The following PRIM2 variants were observed in gnomAD, a reference collection of about 807,000 sequenced individuals.
The protein encoded by PRIM2 is DNA primase large subunit.
PRIM2 carries 39 observed loss-of-function variants against 67.3 expected under a neutral mutation model. The observed-to-expected ratio is 0.58, with a 90% CI of 0.45 to 0.76. The LOEUF (loss-of-function observed/expected upper bound fraction) is 0.76. PRIM2 is among the 30% of genes least tolerant of loss of function. The probability of loss-of-function intolerance (pLI) is 0.00; values close to 1 mark genes in which losing one functional copy is unlikely to be tolerated. For synonymous variants in PRIM2, 143 were observed against 198.7 expected (o/e 0.72, Z 2.36); for missense variants, 398 against 598.7 (o/e 0.66, Z 3.50).
At chr6:57,528,924 AG>A (rs1774824027) in intron 8 of PRIM2, among the ~76,000 whole-genome samples, 1 of 152,208 alleles carries the variant, frequency 6.6e-6, no homozygotes, top group Non-Finnish European at 1.5e-5. Flanking sequence ...TTAATTAGGC[AG>A]GGCTGGCATT....
At chr6:57,320,635 A>G in intron 3 of PRIM2, 75 bp downstream of exon 3, 3 of 915,984 alleles carry the variant, frequency 3.3e-6, no homozygotes, top group South Asian at 3.1e-5. Flanking sequence ...TGGGAAAGAT[A>G]TTATATTAGG....
the PRIM2 span, among the ~76,000 whole-genome samples, chr6:57,272,352 A>G: frequency 3.9e-5 from 6 of 152,184 alleles, no homozygotes; most frequent in Admixed American, 6.5e-5. Context: ...AGCTCTTCTT[A>G]TTGAATTGAT....
chr6:57,395,004 G>A (rs1485408196), intron 7 of PRIM2, among the ~76,000 whole-genome samples: 1 of 152,122 alleles, frequency 6.6e-6, no homozygotes, highest in Non-Finnish European at 1.5e-5. Flanking sequence ...TGCATCTGTG[G>A]TGTGAAACCC....
At chr6:57,463,246 C>T (rs1413015805) in intron 7 of PRIM2, among the ~76,000 whole-genome samples, 1 of 152,184 alleles carries the variant, frequency 6.6e-6, no homozygotes, top group Non-Finnish European at 1.5e-5. Context: ...AATCCTAGTG[C>T]TTTGGGAGGC....
At chr6:57,609,284 A>G (rs1443225311) in intron 12 of PRIM2, among the ~76,000 whole-genome samples, 1 of 152,212 alleles carries the variant, frequency 6.6e-6, no homozygotes, top group Non-Finnish European at 1.5e-5. Flanking sequence ...ACCCCTCAGC[A>G]ATGTGGGAAC....
chr6:57,343,234 T>G (rs1057289938), intron 5 of PRIM2, among the ~76,000 whole-genome samples: 2 of 152,212 alleles, frequency 1.3e-5, no homozygotes, highest in African/African-American at 2.4e-5. Context: ...TGTGTTGTTT[T>G]TATTGTTTAT....
chr6:57,290,490 C>G, the PRIM2 span, among the ~76,000 whole-genome samples: 5 of 152,332 alleles, frequency 3.3e-5, no homozygotes, highest in African/African-American at 1.2e-4. Flanking sequence ...GAACTCACCT[C>G]TGGACCAAGT....
In PRIM2 at chr6:57,374,440, C is replaced by A. The variant is rs1219983932; in HGVS notation, c.460-5461C>A. On this transcript the variant is annotated intron_variant, in intron 5 of 13. Coordinates refer to ENST00000615550, the MANE Select transcript of PRIM2 (RefSeq NM_000947.5). ...TCCCGTGTAGCTGGGACTACAGGCG[C>A]GCGCCACCATGCCCGGCTAATTTTT... Among the ~76,000 whole-genome samples the A allele has an allele frequency of 2.7e-5, 4 of 146,852 alleles. No homozygotes were observed. In the East Asian group the frequency reaches 8.1e-4, roughly 30 times the overall value.
chr6:57,262,235 G>C, the PRIM2 span, among the ~76,000 whole-genome samples: 1 of 152,168 alleles, frequency 6.6e-6, no homozygotes, highest in Non-Finnish European at 1.5e-5. Context: ...TGCTGGTAAA[G>C]TGGAAAGGGG....
At chr6:57,351,496 G>T (rs1359728757) in intron 5 of PRIM2, among the ~76,000 whole-genome samples, 1 of 152,190 alleles carries the variant, frequency 6.6e-6, no homozygotes, top group Middle Eastern at 3.2e-3. Flanking sequence ...ATTAGTAGCT[G>T]TGAGAATGGA....
At chr6:57,517,646 A>T (rs1554348411) in intron 8 of PRIM2, among the ~76,000 whole-genome samples, 4 of 152,146 alleles carry the variant, frequency 2.6e-5, no homozygotes, top group Non-Finnish European at 4.4e-5. Context: ...ACATATTTTT[A>T]AAAAATCATA....
intron 7 of PRIM2, among the ~76,000 whole-genome samples, chr6:57,467,019 C>T (rs1268255556): frequency 4.2e-5 from 6 of 144,554 alleles, no homozygotes; most frequent in Non-Finnish European, 7.5e-5. Flanking sequence ...CTAGGAGAAT[C>T]GCTTGAACCT....
chr6:57,353,717 G>A (rs1250448833), intron 5 of PRIM2, among the ~76,000 whole-genome samples: 1 of 151,638 alleles, frequency 6.6e-6, no homozygotes, highest in Admixed American at 6.6e-5. Flanking sequence ...TTTATTTTTT[G>A]GTGAGAGGTT....
At chr6:57,642,634 G>C (rs1777263789) in intron 13 of PRIM2, among the ~76,000 whole-genome samples, 1 of 151,330 alleles carries the variant, frequency 6.6e-6, no homozygotes, top group South Asian at 2.1e-4. Flanking sequence ...GTAGAGACGG[G>C]GTTTCACCGT....
At chr6:57,316,808 C>A (rs531309873), upstream of PRIM2, among the ~76,000 whole-genome samples, 12 of 152,356 alleles carry the variant, frequency 7.9e-5, no homozygotes, top group Non-Finnish European at 1.3e-4. Context: ...GTAAGCGGCA[C>A]GTCCGCGTGA....
At chr6:57,439,292 C>T (rs1772117040) in intron 7 of PRIM2, among the ~76,000 whole-genome samples, 1 of 150,552 alleles carries the variant, frequency 6.6e-6, no homozygotes, top group Admixed American at 6.6e-5. Flanking sequence ...CTTGGAAAAC[C>T]TTTCTGTTTC....
chr6:57,374,587 C>G (rs1260681096), intron 5 of PRIM2, among the ~76,000 whole-genome samples: 1 of 146,124 alleles, frequency 6.8e-6, no homozygotes, highest in South Asian at 2.2e-4. Flanking sequence ...CCACCGCGCC[C>G]GGCCTTATTT....
intron 7 of PRIM2, among the ~76,000 whole-genome samples, chr6:57,399,989 A>G (rs1258431821): frequency 6.6e-6 from 1 of 152,150 alleles, no homozygotes; most frequent in Non-Finnish European, 1.5e-5. Context: ...TATGGTTGTC[A>G]TTACGAGACC....
At chr6:57,338,789 T>C (rs528795379) in intron 5 of PRIM2, among the ~76,000 whole-genome samples, 1 of 135,972 alleles carries the variant, frequency 7.4e-6, no homozygotes, top group East Asian at 2.1e-4. Context: ...CTTTGAAAAC[T>C]GGCACAAGAC....
Sources: allele counts gnomAD v4.1 joint callset (sites outside exome capture counted in the v4.1 genomes callset), GRCh38; gene constraint gnomAD v4.1.1; transcripts MANE v1.5; gene names NCBI Gene and HGNC (gene_info 2026-07-23, HGNC 2026-07-21).